UROS: variants seen among roughly 807,000 people sequenced by gnomAD.
UROS encodes the protein uroporphyrinogen-III synthase.
In UROS, 18 loss-of-function variants were observed where a neutral mutation model predicts 33.0. The observed-to-expected ratio is 0.55, with a 90% CI of 0.38 to 0.81. UROS has a LOEUF of 0.81. Among genes scored for constraint, UROS ranks in the 30% least tolerant of loss-of-function variants. The probability of loss-of-function intolerance (pLI) is 0.00; values close to 1 mark genes in which losing one functional copy is unlikely to be tolerated. For synonymous variants in UROS, 114 were observed against 121.1 expected (o/e 0.94, Z 0.38); for missense variants, 293 against 314.9 (o/e 0.93, Z 0.53).
chr10:125,810,441 G>A (rs983304787), intron 5 of UROS, among the ~76,000 whole-genome samples: 1 of 152,084 alleles, frequency 6.6e-6, no homozygotes, highest in African/African-American at 2.4e-5. Context: ...TTTGGAAGCA[G>A]ACCCTCCCCT....
chr10:125,801,656 T>A (rs1851847943), intron 6 of UROS, among the ~76,000 whole-genome samples: 1 of 152,206 alleles, frequency 6.6e-6, no homozygotes, highest in South Asian at 2.1e-4. Flanking sequence ...AATGGAAGAT[T>A]TATTAGGACC....
At chr10:125,787,024 C>T (rs1487387625), downstream of UROS, among the ~76,000 whole-genome samples, 1 of 152,250 alleles carries the variant, frequency 6.6e-6, no homozygotes, top group Non-Finnish European at 1.5e-5. Flanking sequence ...TATGAGCTCC[C>T]TGCCTTCCTG....
rs974819331 is a variant in UROS at position 125,803,092 on chromosome 10, G to C, written c.394+4321C>G. 3.1e-6 allele frequency: 5 copies of C among 1,609,116 alleles called. No homozygotes were observed. The Admixed American group carries it at 8.4e-5, about 27-fold the overall frequency. ...ATCTTTTAGAAGCACACAGAGCAAG[G>C]GAGACAGGAAGAGCTTTGGAGTCAG... On this transcript the variant is annotated intron_variant, in intron 6 of 9. Transcript: ENST00000368797.
At chr10:125,808,536 T>C (rs1852530406) in intron 5 of UROS, among the ~76,000 whole-genome samples, 1 of 152,246 alleles carries the variant, frequency 6.6e-6, no homozygotes, top group Non-Finnish European at 1.5e-5. Context: ...CCACAGGAAC[T>C]GAACTGAGAC....
chr10:125,789,434 G>T, intron 9 of UROS: 1 of 1,019,742 alleles, frequency 9.8e-7, no homozygotes, highest in Non-Finnish European at 1.2e-6. Context: ...ATCAAGGTCA[G>T]GGCTCTGTGG....
intron 9 of UROS, chr10:125,794,043 G>C (rs1416881666): frequency 2.0e-5 from 3 of 152,108 alleles, no homozygotes; most frequent in Non-Finnish European, 4.4e-5. Context: ...TGTGAGAATT[G>C]TATCAGTTAC....
chr10:125,789,266 C>T lies in UROS; in HGVS notation c.661-261G>A, dbSNP rs555091745. 2.1e-5 allele frequency: 29 copies of T among 1,407,294 alleles called. No individual in the cohort carries two copies. The Admixed American group carries it at 7.5e-4, about 37-fold the overall frequency. 87.2% of individuals were successfully genotyped at this position (1,407,294 alleles called of 1,614,324 possible). On this transcript the variant is annotated intron_variant, in intron 9 of 9. Transcript: ENST00000368797. ...AGGTGAGGGGCAGGGACTTGAAGGC[C>T]CCAGGCTGGTGCTCACCATCACGGC...
intron 4 of UROS, among the ~76,000 whole-genome samples, chr10:125,814,460 T>A (rs1397802832): frequency 2.0e-5 from 3 of 152,240 alleles, no homozygotes; most frequent in African/African-American, 7.2e-5. Flanking sequence ...TGGATTGTTA[T>A]CTAGGGTTAA....
At chr10:125,803,039 A>G (rs1430185860) in intron 6 of UROS, 1 of 1,612,932 alleles carries the variant, frequency 6.2e-7, no homozygotes, top group South Asian at 1.1e-5. Context: ...GGGAAGAGAA[A>G]TGAGCATATT....
intron 4 of UROS, among the ~76,000 whole-genome samples, chr10:125,813,680 T>C (rs1254875577): frequency 6.6e-6 from 1 of 152,214 alleles, no homozygotes; most frequent in African/African-American, 2.4e-5. Flanking sequence ...GGTTTCACCA[T>C]GTTGGCCAGG....
At chr10:125,795,216 C>T (rs1851256370) in intron 8 of UROS, 1 of 558,762 alleles carries the variant, frequency 1.8e-6, no homozygotes, top group Admixed American at 2.8e-5. Flanking sequence ...TCTGTGTCTG[C>T]CTGGCCAGAG....
chr10:125,805,526 CT>C (rs1852248814), intron 6 of UROS, among the ~76,000 whole-genome samples: 1 of 152,154 alleles, frequency 6.6e-6, no homozygotes, highest in Non-Finnish European at 1.5e-5. Flanking sequence ...TCAGAAAGAA[CT>C]TTTGGTGATG....
chr10:125,806,145 G>C (rs1274090183), intron 6 of UROS, among the ~76,000 whole-genome samples: 2 of 152,164 alleles, frequency 1.3e-5, no homozygotes, highest in African/African-American at 4.8e-5. Flanking sequence ...ACTTACGGCA[G>C]GAAGACTTGT....
intron 7 of UROS, among the ~76,000 whole-genome samples, chr10:125,796,631 G>A (rs941497201): frequency 4.6e-5 from 7 of 152,032 alleles, no homozygotes; most frequent in African/African-American, 1.7e-4. Context: ...CCTCCACATG[G>A]CCACGCGTCC....
At chr10:125,817,754 T>C (rs778680912) in intron 1 of UROS, among the ~76,000 whole-genome samples, 2 of 152,132 alleles carry the variant, frequency 1.3e-5, no homozygotes, top group African/African-American at 2.4e-5. Flanking sequence ...AGTCTCAGAA[T>C]TGCTACGTGG....
chr10:125,799,512 T>A (rs1851634993), intron 6 of UROS, among the ~76,000 whole-genome samples: 1 of 152,168 alleles, frequency 6.6e-6, no homozygotes, highest in African/African-American at 2.4e-5. Context: ...CCCACAGGTG[T>A]GCGAGGGGCC....
intron 6 of UROS, chr10:125,802,918 C>A: frequency 6.2e-7 from 1 of 1,608,694 alleles, no homozygotes; most frequent in Non-Finnish European, 8.5e-7. Context: ...ACCGCCTTGC[C>A]ACCAAGGATG....
At chr10:125,788,296 C>T (rs986615423), downstream of UROS, among the ~76,000 whole-genome samples, 13 of 152,174 alleles carry the variant, frequency 8.5e-5, no homozygotes, top group African/African-American at 2.7e-4. Flanking sequence ...CAGTAAATAC[C>T]GGCCTCTCTA....
intron 1 of UROS, among the ~76,000 whole-genome samples, chr10:125,822,156 T>C (rs1853979998): frequency 6.6e-6 from 1 of 152,166 alleles, no homozygotes; most frequent in Admixed American, 6.5e-5. Flanking sequence ...AGAAAGCTGA[T>C]GAACCCTGTT....
Sources: gnomAD v4.1 joint callset for allele counts (sites outside exome capture counted in the v4.1 genomes callset) on GRCh38, gnomAD v4.1.1 for gene constraint, MANE v1.5 for transcripts, NCBI Gene and HGNC (gene_info 2026-07-23, HGNC 2026-07-21) for gene names.